Variants in KIF5B observed in about 807,000 individuals in gnomAD.
KIF5B encodes the protein kinesin-1 heavy chain.
Under a neutral mutation model 132.8 loss-of-function variants are expected in KIF5B, and 49 were observed. The ratio of observed to expected loss-of-function variants is 0.37; its 90% CI spans 0.29 to 0.47. The LOEUF is 0.47. KIF5B is among the 20% of genes least tolerant of loss of function. The probability of loss-of-function intolerance (pLI) is 1.00; values close to 1 mark genes in which losing one functional copy is unlikely to be tolerated. For missense variants in KIF5B, 780 were observed against 1,144.0 expected (o/e 0.68, Z 4.59); for synonymous variants, 355 against 369.4 (o/e 0.96, Z 0.45).
intron 7 of KIF5B, 36 bp from the exon 8 acceptor site, chr10:32,037,414 A>T (rs761157672): frequency 3.1e-6 from 5 of 1,606,828 alleles, no homozygotes; most frequent in Non-Finnish European, 4.3e-6. Context: ...ATAAACAAAC[A>T]TGATTTCCCC....
At position 32,009,441 on chromosome 10, in the gene KIF5B, T is replaced by C. The variant is rs1841039820; in HGVS notation, c.*2096A>G. ...AAGTGCTGTGTTTAATGACCTACCA[T>C]AGCAAAAAGCAGTTCACTGAAAACA... On this transcript the variant is annotated 3_prime_UTR_variant, in exon 26 of 26. Transcript: ENST00000302418. 1 of 152,122 alleles carries C rather than the reference T, an allele frequency of 6.6e-6. No homozygotes were observed. Among genetic ancestry groups the C allele is most frequent in the Admixed American group, 6.6e-5 (1 of 15,266 alleles). 9.4% of individuals were successfully genotyped at this position (152,122 alleles called of 1,614,324 possible). A position where few individuals can be genotyped will look rare whatever the true frequency, so the allele number is the denominator to read the frequency against.
intron 8 of KIF5B, 77 bp from the exon 9 acceptor site, chr10:32,036,071 T>A: frequency 1.1e-6 from 1 of 937,308 alleles, no homozygotes; most frequent in Non-Finnish European, 1.5e-6. Context: ...AATGTTCATA[T>A]GTCATCAATA....
intron 1 of KIF5B, among the ~76,000 whole-genome samples, chr10:32,053,314 G>A (rs563799268): frequency 5.2e-4 from 78 of 151,428 alleles, no homozygotes; most frequent in Middle Eastern, 6.8e-3. Flanking sequence ...AATTAATGTC[G>A]TTACTATATG....
chr10:32,021,382 C>T, intron 17 of KIF5B, 95 bp from the exon 18 acceptor site: 1 of 861,992 alleles, frequency 1.2e-6, no homozygotes. Context: ...AAGCATTTTC[C>T]TTAGCAATAT....
At position 32,022,207 on chromosome 10, in the gene KIF5B, T is replaced by G. The variant is rs1212012800; in HGVS notation, c.1965A>C (p.Gln655His). Residue 655 changes from glutamine to histidine, a missense_variant, in exon 17 of 26, where the codon CAA becomes CAC. Physicochemically the swap from Gln to His is conservative, Grantham distance 24. This residue lies in a region of KIF5B where 471 missense variants were observed against 569.9 expected (regional missense o/e 0.83). Transcript: ENST00000302418. Reference protein sequence around the residue: ...SLTEYLQNVEQKKRQLEESVD... With the variant: ...SLTEYLQNVEHKKRQLEESVD... ...CAGATTCCTCCAACTGTCTTTTCTTTTGTTCCACATTTTGAAGGTATTCAG... is the reference window on the plus strand; with the variant it reads ...CAGATTCCTCCAACTGTCTTTTCTTGTGTTCCACATTTTGAAGGTATTCAG... 6.2e-7 allele frequency: 1 copy of G among 1,613,584 alleles called. No homozygotes were observed. Among genetic ancestry groups the G allele is most frequent in the South Asian group, 1.1e-5 (1 of 91,010 alleles).
Position 32,055,885 on chromosome 10 carries a change from A to T in KIF5B, c.89T>A (p.Ile30Asn). The change falls in exon 1 of 26, where the codon ATC (isoleucine) becomes AAC (asparagine). Residue 30 changes from isoleucine (I) to asparagine (N), a missense_variant. Around this residue, in one of 9 missense-constraint regions of KIF5B, gnomAD observed 66 missense variants for 83.4 expected, o/e 0.79. Coordinates refer to ENST00000302418, the MANE Select transcript of KIF5B (RefSeq NM_004521.3). ...CGTGTCTTCTCCCTGAAACTTGGCG[A>T]TGTACTTGTCGCCGCGGTTCACTTC... ...ESEVNRGDKYIAKFQGEDTVV... is the reference protein window; with the variant it reads ...ESEVNRGDKYNAKFQGEDTVV... 1 of 1,612,880 alleles carries T rather than the reference A, an allele frequency of 6.2e-7. No homozygotes were observed. The highest frequency in any genetic ancestry group is 8.5e-7 in the Non-Finnish European group (1 of 1,179,826).
intron 2 of KIF5B, among the ~76,000 whole-genome samples, chr10:32,041,157 A>C (rs933194359): frequency 2.1e-4 from 32 of 151,860 alleles, no homozygotes; most frequent in Admixed American, 2.0e-3. Flanking sequence ...AAAAAAAAAA[A>C]AAAAAACCAA....
intron 25 of KIF5B, among the ~76,000 whole-genome samples, chr10:32,012,194 C>T (rs185508324): frequency 1.1e-3 from 161 of 152,214 alleles, no homozygotes; most frequent in African/African-American, 3.7e-3. Context: ...AATTTCTCGC[C>T]GGGCACAGTG....
chr10:32,037,701 C>A (rs562249389), intron 6 of KIF5B, 94 bp from the exon 7 acceptor site: 4 of 865,692 alleles, frequency 4.6e-6, no homozygotes, highest in African/African-American at 1.7e-5. Flanking sequence ...GGCGCGGTGG[C>A]GGGTGCCTGT....
chr10:32,026,080 A>G (rs1241604427), intron 15 of KIF5B, among the ~76,000 whole-genome samples: 1 of 152,216 alleles, frequency 6.6e-6, no homozygotes, highest in African/African-American at 2.4e-5. Context: ...ACACAACTAT[A>G]GAATACAATG....
In KIF5B at chr10:32,056,053, T is replaced by G; in HGVS notation, c.-80A>C. On this transcript the variant is annotated 5_prime_UTR_variant, in exon 1 of 26. Coordinates refer to ENST00000302418, the MANE Select transcript of KIF5B (RefSeq NM_004521.3). ...CAGGGAACGCGCCGGACCTGAGGGC[T>G]TGTGGTCGCGAGGGCCGTGAGAGGC... 1 of 1,549,712 alleles carries G rather than the reference T, an allele frequency of 6.5e-7. No homozygotes were observed. The highest frequency in any genetic ancestry group is 8.7e-7 in the Non-Finnish European group (1 of 1,148,358).
chr10:32,041,128 AC>A (rs1841531593), intron 2 of KIF5B, among the ~76,000 whole-genome samples: 4 of 147,424 alleles, frequency 2.7e-5, no homozygotes, highest in Non-Finnish European at 4.5e-5. Context: ...CCTGGGTGAC[AC>A]AGTGAGACTC....
At chr10:32,022,457 A>C (rs866645357) in intron 16 of KIF5B, among the ~76,000 whole-genome samples, 200 bp from the exon 17 acceptor site, 1 of 152,204 alleles carries the variant, frequency 6.6e-6, no homozygotes, top group South Asian at 2.1e-4. Context: ...TAAGGCACTG[A>C]AGACTCAAAT....
intron 20 of KIF5B, 77 bp from the exon 21 acceptor site, chr10:32,018,639 A>G: frequency 2.8e-6 from 3 of 1,089,560 alleles, no homozygotes; most frequent in Non-Finnish European, 4.1e-6. Context: ...TGAATAAAAT[A>G]TTTTGTGTCT....
In KIF5B at chr10:32,019,946, T is replaced by G; in HGVS notation, c.2218A>C (p.Met740Leu). The G allele has an allele frequency of 6.2e-7, 1 of 1,607,720 alleles. No homozygotes were observed. Among genetic ancestry groups the G allele is most frequent in the Non-Finnish European group, 8.5e-7 (1 of 1,177,976 alleles). ...ITDLQDQNQK[M>L]MLEQERLRVE... ...CTTAGACGTTCCTGCTCTAACATCA[T>G]TTTCTGGTTTTGGCTGACGAAAGAA... The change falls in exon 20 of 26, where the codon ATG becomes CTG. Residue 740 changes from methionine to leucine, a missense_variant. Transcript: ENST00000302418.
intron 2 of KIF5B, among the ~76,000 whole-genome samples, chr10:32,045,197 C>G (rs372495139): frequency 4.0e-5 from 6 of 151,884 alleles, no homozygotes; most frequent in African/African-American, 1.5e-4. Flanking sequence ...AGAGAAGAGA[C>G]AGAACTCACG....
Position 32,034,853 on chromosome 10 carries a change from T to C in KIF5B, c.963-15A>G. 1 of 1,555,372 alleles carries C rather than the reference T, an allele frequency of 6.4e-7. No homozygotes were observed. The highest frequency in any genetic ancestry group is 8.6e-7 in the Non-Finnish European group (1 of 1,158,718). On this transcript the variant is annotated splice_polypyrimidine_tract_variant and intron_variant, in intron 10 of 25. Coordinates refer to ENST00000302418, the MANE Select transcript of KIF5B (RefSeq NM_004521.3). ...TTGTTTTGGCCCTAAGAGATGTAAT[T>C]GGAGGAAAAAAAGGATGAGACTGAA...
At chr10:32,023,926 T>TG (rs1372136095) in intron 15 of KIF5B, among the ~76,000 whole-genome samples, 3 of 151,770 alleles carry the variant, frequency 2.0e-5, no homozygotes, top group Non-Finnish European at 4.4e-5. Flanking sequence ...AAAATCTAGG[T>TG]GATATTGGGT....
Position 32,018,149 on chromosome 10 carries a change from T to G in KIF5B, c.2447A>C (p.Glu816Ala), listed in dbSNP as rs774100037. Reference protein sequence around the residue: ...DLATRVKKSAEIDSDDTGGSA... With the variant: ...DLATRVKKSAAIDSDDTGGSA... Reference sequence around the variant, plus strand: ...GCCTCCGGTGTCATCAGAATCAATCTCAGCACTCTGAGAAAAGAAGGTAAG... The same window carrying G: ...GCCTCCGGTGTCATCAGAATCAATCGCAGCACTCTGAGAAAAGAAGGTAAG... Residue 816 changes from glutamate to alanine, a missense_variant, in exon 23 of 26, where the codon GAG becomes GCG. Coordinates refer to ENST00000302418, the MANE Select transcript of KIF5B (RefSeq NM_004521.3). 6.3e-7 allele frequency: 1 copy of G among 1,593,424 alleles called. No individual in the cohort carries two copies. Among genetic ancestry groups the G allele is most frequent in the South Asian group, 1.1e-5 (1 of 87,682 alleles).
Sources: allele counts gnomAD v4.1 joint callset (sites outside exome capture counted in the v4.1 genomes callset), GRCh38; gene constraint gnomAD v4.1.1; regional missense constraint gnomAD v4.1.1; transcripts MANE v1.5; gene names NCBI Gene and HGNC (gene_info 2026-07-23, HGNC 2026-07-21).